Variants in MSI2 observed in about 807,000 individuals in gnomAD.
The protein encoded by MSI2 is RNA-binding protein Musashi homolog 2.
A neutral mutation model predicts 45.6 loss-of-function variants in MSI2; 17 were observed. The observed-to-expected ratio is 0.37, with a 90% CI of 0.26 to 0.56. The LOEUF (loss-of-function observed/expected upper bound fraction) is 0.56. MSI2 is among the 20% of genes least tolerant of loss of function. The probability of loss-of-function intolerance (pLI) is 0.77; values close to 1 mark genes in which losing one functional copy is unlikely to be tolerated. For missense variants in MSI2, 293 were observed against 444.2 expected, an observed-to-expected ratio of 0.66 and a Z score of 3.06; for synonymous variants, 156 against 158.2, an observed-to-expected ratio of 0.99 and a Z score of 0.11.
intron 5 of MSI2, among the ~76,000 whole-genome samples, chr17:57,392,888 T>C (rs1162484577): frequency 6.6e-6 from 1 of 152,190 alleles, no homozygotes; most frequent in Non-Finnish European, 1.5e-5. Flanking sequence ...ACAGCTTTAT[T>C]GAGATATAAT....
chr17:57,368,327 G>A (rs1183609167), intron 5 of MSI2, among the ~76,000 whole-genome samples: 3 of 152,064 alleles, frequency 2.0e-5, no homozygotes, highest in Non-Finnish European at 4.4e-5. Flanking sequence ...AGGCTGAGGC[G>A]GGCGGATTGC....
chr17:57,321,664 G>A (rs1173100623), intron 5 of MSI2, among the ~76,000 whole-genome samples: 2 of 152,174 alleles, frequency 1.3e-5, no homozygotes, highest in Non-Finnish European at 2.9e-5. Context: ...GGGGACAAGG[G>A]TGAGCTGGAA....
At chr17:57,502,636 T>TAG (rs1439981218) in intron 6 of MSI2, among the ~76,000 whole-genome samples, 1,688 of 95,890 alleles carry the variant, frequency 0.018, 163 homozygotes, top group Admixed American at 0.024. Context: ...TATATATATA[T>TAG]AGTCATCATT....
chr17:57,398,965 C>T (rs981301112), intron 5 of MSI2, among the ~76,000 whole-genome samples: 10 of 152,042 alleles, frequency 6.6e-5, no homozygotes, highest in Admixed American at 2.0e-4. Flanking sequence ...TCCAGCACCT[C>T]GCACTTAATG....
Position 57,680,667 on chromosome 17 carries a change from C to A in MSI2, c.*1150C>A, listed in dbSNP as rs1033683252. 1 of 178,754 alleles carries A rather than the reference C, an allele frequency of 5.6e-6. No individual in the cohort carries two copies. Among genetic ancestry groups the A allele is most frequent in the South Asian group, 2.1e-4 (1 of 4,838 alleles). 11.1% of individuals were successfully genotyped at this position (178,754 alleles called of 1,614,324 possible). ...AGATTTTTATTTAAAATATGAAAAA[C>A]TGCTTTTCCCAAGATGTTTTTTAAA... On this transcript the variant is annotated 3_prime_UTR_variant, in exon 14 of 14. Coordinates refer to ENST00000284073, the MANE Select transcript of MSI2 (RefSeq NM_138962.4).
chr17:57,637,811 AG>A (rs1416648163), intron 10 of MSI2, among the ~76,000 whole-genome samples: 1 of 152,220 alleles, frequency 6.6e-6, no homozygotes, highest in Non-Finnish European at 1.5e-5. Flanking sequence ...CAGCTATGGC[AG>A]GATGGCAGCA....
At chr17:57,304,446 C>T (rs1370916258) in intron 5 of MSI2, among the ~76,000 whole-genome samples, 1 of 147,934 alleles carries the variant, frequency 6.8e-6, no homozygotes, top group South Asian at 2.2e-4. Context: ...CTTTTGAGAC[C>T]GAGTCTCACT....
chr17:57,321,589 G>T (rs899892702), intron 5 of MSI2, among the ~76,000 whole-genome samples: 1 of 152,104 alleles, frequency 6.6e-6, no homozygotes, highest in East Asian at 1.9e-4. Flanking sequence ...CCCTGCAGCC[G>T]ATTTGTCTTC....
Position 57,671,489 on chromosome 17 carries a change from T to A in MSI2, c.791-3483T>A, listed in dbSNP as rs185237331. 3.3e-5 allele frequency: 5 copies of A among 151,964 alleles called. No individual in the cohort carries two copies. In the East Asian group the frequency reaches 9.7e-4, roughly 30 times the overall value. The allele number at this position is 151,964 out of a possible 1,614,324, so 9.4% of individuals were successfully genotyped here. The stretch of plus-strand genomic sequence containing the variant: ...ACCAATTCTGGCCCCCCAAAATAAG[T>A]CTCCGTGCCTGGGGAAAGGCACCGT... On this transcript the variant is annotated intron_variant, in intron 11 of 13. Coordinates refer to ENST00000284073, the MANE Select transcript of MSI2 (RefSeq NM_138962.4).
At chr17:57,569,561 G>C (rs2087822847) in intron 7 of MSI2, among the ~76,000 whole-genome samples, 1 of 152,222 alleles carries the variant, frequency 6.6e-6, no homozygotes, top group Non-Finnish European at 1.5e-5. Flanking sequence ...GGCTAATAAG[G>C]CACCTATTTC....
At chr17:57,580,396 A>T (rs769050331) in intron 7 of MSI2, among the ~76,000 whole-genome samples, 1 of 152,190 alleles carries the variant, frequency 6.6e-6, no homozygotes, top group Non-Finnish European at 1.5e-5. Context: ...ATTTGACTTC[A>T]GGGCTTGCCT....
At chr17:57,285,746 G>T in intron 5 of MSI2, 1 of 999,668 alleles carries the variant, frequency 1.0e-6, no homozygotes, top group Non-Finnish European at 1.4e-6. Flanking sequence ...GAATTTCTGT[G>T]TACATGGAAC....
chr17:57,401,429 A>C lies in MSI2; in HGVS notation c.363A>C (p.Thr121=), dbSNP rs761932420. ...KIFVGGLSAN[T]VVEDVKQYFE... Reference sequence around the variant, plus strand: ...TTGTAGGCGGGTTATCTGCGAACACAGTAGTGGAAGATGTAAAGCAATATT... The same window carrying C: ...TTGTAGGCGGGTTATCTGCGAACACCGTAGTGGAAGATGTAAAGCAATATT... Residue 121 remains threonine, a synonymous_variant, in exon 6 of 14, where the codon ACA becomes ACC. Transcript: ENST00000284073. 6.2e-7 allele frequency: 1 copy of C among 1,614,214 alleles called. No homozygotes were observed. The highest frequency in any genetic ancestry group is 8.5e-7 in the Non-Finnish European group (1 of 1,180,016).
chr17:57,473,652 C>T (rs999380251), intron 6 of MSI2, among the ~76,000 whole-genome samples: 2 of 152,188 alleles, frequency 1.3e-5, no homozygotes, highest in African/African-American at 2.4e-5. Flanking sequence ...GCCTCTCTTC[C>T]GGAACCTTCC....
At chr17:57,502,884 G>T (rs1366688922) in intron 6 of MSI2, among the ~76,000 whole-genome samples, 1 of 151,904 alleles carries the variant, frequency 6.6e-6, no homozygotes, top group East Asian at 1.9e-4. Flanking sequence ...ACAGCTGGTG[G>T]ATTGGGCCTG....
chr17:57,536,623 G>A (rs896950728), intron 7 of MSI2, among the ~76,000 whole-genome samples: 3 of 152,190 alleles, frequency 2.0e-5, no homozygotes, highest in Non-Finnish European at 2.9e-5. Flanking sequence ...CCTCTCCCAA[G>A]TCTGAGATGT....
intron 6 of MSI2, among the ~76,000 whole-genome samples, chr17:57,453,136 G>T (rs1439836573): frequency 1.3e-5 from 2 of 151,752 alleles, no homozygotes; most frequent in African/African-American, 4.8e-5. Context: ...GAGTAACTGG[G>T]ATTATGGGTG....
intron 5 of MSI2, among the ~76,000 whole-genome samples, chr17:57,345,568 C>T (rs943816086): frequency 3.3e-5 from 5 of 152,224 alleles, no homozygotes; most frequent in South Asian, 4.1e-4. Context: ...TGGTGGCTCT[C>T]GCCTGTATTG....
chr17:57,661,523 A>G (rs544426553), intron 11 of MSI2, among the ~76,000 whole-genome samples: 20 of 152,186 alleles, frequency 1.3e-4, no homozygotes, highest in African/African-American at 4.6e-4. Context: ...TAAAGAAGAT[A>G]AGCCTGGCTG....
Sources: gnomAD v4.1 joint callset for allele counts (sites outside exome capture counted in the v4.1 genomes callset) on GRCh38, gnomAD v4.1.1 for gene constraint, MANE v1.5 for transcripts, NCBI Gene and HGNC (gene_info 2026-07-23, HGNC 2026-07-21) for gene names.